Variants in STC1 observed in about 807,000 individuals in gnomAD.
STC1 encodes the protein stanniocalcin-1.
In STC1, 7 loss-of-function variants were observed where a neutral mutation model predicts 22.6. The observed-to-expected ratio is 0.31, with a 90% confidence interval of 0.18 to 0.58. The LOEUF (loss-of-function observed/expected upper bound fraction) is 0.58, where lower values mean the gene tolerates loss of function less well. STC1 is among the 20% of genes least tolerant of loss of function. STC1 has a pLI of 0.89. For missense variants in STC1, 224 were observed against 311.0 expected, an observed-to-expected ratio of 0.72 and a Z score of 2.10; for synonymous variants, 113 against 120.7, an observed-to-expected ratio of 0.94 and a Z score of 0.42.
chr8:23,854,203 A>G, intron 1 of STC1: 2 of 1,134,416 alleles, frequency 1.8e-6, no homozygotes, highest in Non-Finnish European at 2.4e-6. Flanking sequence ...CAGAGCGTCC[A>G]GCTTCTTCGT....
In STC1 at chr8:23,854,537, T is replaced by C. The variant is rs769316600; in HGVS notation, c.-14A>G. The stretch of plus-strand genomic sequence containing the variant: ...GTTTTGGAGCATTCTCTGAGAAGTT[T>C]CCGCTAAGTTGTTGGGTTTTTTTTT... On this transcript the variant is annotated 5_prime_UTR_variant, in exon 1 of 4. Transcript: ENST00000290271. 3.1e-6 allele frequency: 5 copies of C among 1,600,768 alleles called. No individual in the cohort carries two copies. The highest frequency in any genetic ancestry group is 2.3e-5 in the South Asian group (2 of 88,604).
rs1480696354 is a variant in STC1 at position 23,854,705 on chromosome 8, C to CGCTGCTGCTGCTGCTGCCGCCGCT, written c.-206_-183dup. 4.9e-4 allele frequency: 340 copies of CGCTGCTGCTGCTGCTGCCGCCGCT among 694,026 alleles called. 2 individuals are homozygous for CGCTGCTGCTGCTGCTGCCGCCGCT. Among genetic ancestry groups the CGCTGCTGCTGCTGCTGCCGCCGCT allele is most frequent in the South Asian group, 4.4e-3 (292 of 66,724 alleles). 43.0% of individuals were successfully genotyped at this position (694,026 alleles called of 1,614,324 possible). On this transcript the variant is annotated 5_prime_UTR_variant, in exon 1 of 4. Coordinates refer to ENST00000290271, the MANE Select transcript of STC1 (RefSeq NM_003155.3). The stretch of plus-strand genomic sequence containing the variant: ...ATGCTGCTGCTGCCACCGGTGCCTC[C>CGCTGCTGCTGCTGCTGCCGCCGCT]GCTGCTGCTGCTGCTGCCGCCGCTG...
In STC1 at chr8:23,851,689, G is replaced by GAA. The variant is rs3841664; in HGVS notation, c.262-160_262-159dup. ...AGATTGCATGTCTCGGCTAAGGATT[G>GAA]AAAAAAAAAAAAGCCCTCTCCCCAT... On this transcript the variant is annotated intron_variant, in intron 2 of 3. Transcript: ENST00000290271. 1.3e-3 allele frequency among the ~76,000 whole-genome samples: 183 copies of GAA among 139,032 alleles called. 1 individual carries two copies. In the Middle Eastern group the frequency reaches 0.019, roughly 14 times the overall value. 91.2% of individuals were successfully genotyped at this position (139,032 alleles called of 152,430 possible).
At chr8:23,851,202 C>T in intron 3 of STC1, 118 bp downstream of exon 3, 1 of 992,090 alleles carries the variant, frequency 1.0e-6, no homozygotes, top group Non-Finnish European at 1.6e-6. Flanking sequence ...GCTGGGAAGA[C>T]TGCAAGCTAA....
chr8:23,853,063 G>GAAAGAA (rs1388985951), intron 1 of STC1, among the ~76,000 whole-genome samples: 2 of 151,366 alleles, frequency 1.3e-5, no homozygotes, highest in Non-Finnish European at 2.9e-5. Context: ...AAGAAAGAAA[G>GAAAGAA]AAGAAACACA....
chr8:23,842,479 A>T lies in STC1; in HGVS notation c.*2291T>A, dbSNP rs1346378345. ...GGGGGTACCACGGTTTGAAGAGGTCACAGCCAAAAAAAAAAAAAAAAAAAA... is the reference window on the plus strand; with the variant it reads ...GGGGGTACCACGGTTTGAAGAGGTCTCAGCCAAAAAAAAAAAAAAAAAAAA... On this transcript the variant is annotated 3_prime_UTR_variant, in exon 4 of 4. Transcript: ENST00000290271. 8.2e-6 allele frequency: 1 copy of T among 122,000 alleles called. No homozygotes were observed. The highest frequency in any genetic ancestry group is 8.8e-5 in the Admixed American group (1 of 11,316). The allele number at this position is 122,000 out of a possible 1,614,324, so 7.6% of individuals were successfully genotyped here. A position where few individuals can be genotyped will look rare whatever the true frequency, so the allele number is the denominator to read the frequency against.
At chr8:23,853,267 GATCAAAAGCAT>G (rs2117745942) in intron 1 of STC1, among the ~76,000 whole-genome samples, 1 of 152,320 alleles carries the variant, frequency 6.6e-6, no homozygotes, top group South Asian at 2.1e-4. Context: ...TCTCCTCTGA[GATCAAAAGCAT>G]GGTTCAGTTA....
In STC1 at chr8:23,854,698, GTGCCTCCGCTGCTGCTGCTGC is replaced by G. The variant is rs912048258; in HGVS notation, c.-196_-176del. On this transcript the variant is annotated 5_prime_UTR_variant, in exon 1 of 4. Coordinates refer to ENST00000290271, the MANE Select transcript of STC1 (RefSeq NM_003155.3). Reference sequence around the variant, plus strand: ...GCTGGTGATGCTGCTGCTGCCACCGGTGCCTCCGCTGCTGCTGCTGCTGCCGCCGCTGCTGCTGCTGCTGCC... The same window carrying G: ...GCTGGTGATGCTGCTGCTGCCACCGGTGCCGCCGCTGCTGCTGCTGCTGCC... 3 of 713,112 alleles carry G rather than the reference GTGCCTCCGCTGCTGCTGCTGC, an allele frequency of 4.2e-6. No individual in the cohort carries two copies. The highest frequency in any genetic ancestry group is 7.6e-6 in the Non-Finnish European group (3 of 392,850). The allele number at this position is 713,112 out of a possible 1,614,324, so 44.2% of individuals were successfully genotyped here. A position where few individuals can be genotyped will look rare whatever the true frequency, so the allele number is the denominator to read the frequency against.
In STC1 at chr8:23,842,205, T is replaced by C. The variant is rs150009646; in HGVS notation, c.*2565A>G. 6.6e-6 allele frequency: 1 copy of C among 152,594 alleles called. No homozygotes were observed. Among genetic ancestry groups the C allele is most frequent in the Non-Finnish European group, 1.5e-5 (1 of 68,004 alleles). 9.5% of individuals were successfully genotyped at this position (152,594 alleles called of 1,614,324 possible). On this transcript the variant is annotated 3_prime_UTR_variant, in exon 4 of 4. Coordinates refer to ENST00000290271, the MANE Select transcript of STC1 (RefSeq NM_003155.3). The stretch of plus-strand genomic sequence containing the variant: ...TTATAAATACATAATGCAAATATAA[T>C]GGCACAAAAATGTCTAAAGTGCAAC...
intron 3 of STC1, among the ~76,000 whole-genome samples, chr8:23,847,146 G>A (rs1377749004): frequency 6.6e-6 from 1 of 152,196 alleles, no homozygotes; most frequent in Non-Finnish European, 1.5e-5. Context: ...CCCTAGAAAG[G>A]GATAAAAAGA....
Position 23,852,393 on chromosome 8 carries a change from G to T in STC1, c.119-9C>A, listed in dbSNP as rs760350336. On this transcript the variant is annotated splice_polypyrimidine_tract_variant and intron_variant, in intron 1 of 3. Coordinates refer to ENST00000290271, the MANE Select transcript of STC1 (RefSeq NM_003155.3). ...GCAACGAACCACTTCAGCTGAAAGA[G>T]ACAAATCCATCCATTCTGGGTCAAA... 1 of 1,585,788 alleles carries T rather than the reference G, an allele frequency of 6.3e-7. No homozygotes were observed. Among genetic ancestry groups the T allele is most frequent in the African/African-American group, 1.3e-5 (1 of 74,290 alleles).
chr8:23,852,246 G>C lies in STC1; in HGVS notation c.257C>G (p.Thr86Ser). The change falls in exon 2 of 4, where the codon ACT (threonine) becomes AGT (serine). Residue 86 changes from threonine to serine, a missense_variant. Coordinates refer to ENST00000290271, the MANE Select transcript of STC1 (RefSeq NM_003155.3). ...SFLYSAAKFDTQGKAFVKESL... is the reference protein window; with the variant it reads ...SFLYSAAKFDSQGKAFVKESL... Reference sequence around the variant, plus strand: ...CAGGGGTCAAGGTTTTATTACCTGAGTGTCAAATTTAGCAGCGCTGTACAA... The same window carrying C: ...CAGGGGTCAAGGTTTTATTACCTGACTGTCAAATTTAGCAGCGCTGTACAA... 6.2e-7 allele frequency: 1 copy of C among 1,614,162 alleles called. No homozygotes were observed. The highest frequency in any genetic ancestry group is 8.5e-7 in the Non-Finnish European group (1 of 1,180,030).
chr8:23,845,482 A>C (rs1481780835), intron 3 of STC1, among the ~76,000 whole-genome samples: 1 of 152,078 alleles, frequency 6.6e-6, no homozygotes, highest in Non-Finnish European at 1.5e-5. Context: ...ATTAGTAGCC[A>C]TTGTACATGC....
Position 23,844,623 on chromosome 8 carries a change from C to A in STC1, c.*147G>T, listed in dbSNP as rs888128795. ...AATGTTGGGATATTGATTACAGAAGCCTAGTTTCATGCAATTTTCTTTAAG... is the reference window on the plus strand; with the variant it reads ...AATGTTGGGATATTGATTACAGAAGACTAGTTTCATGCAATTTTCTTTAAG... On this transcript the variant is annotated 3_prime_UTR_variant, in exon 4 of 4. Transcript: ENST00000290271. The A allele has an allele frequency of 7.9e-6, 7 of 885,898 alleles. No individual in the cohort carries two copies. Among genetic ancestry groups the A allele is most frequent in the African/African-American group, 1.7e-5 (1 of 59,038 alleles). 54.9% of individuals were successfully genotyped at this position (885,898 alleles called of 1,614,324 possible). A position where few individuals can be genotyped will look rare whatever the true frequency, so the allele number is the denominator to read the frequency against.
At chr8:23,846,377 T>G (rs144812864) in intron 3 of STC1, among the ~76,000 whole-genome samples, 1 of 152,170 alleles carries the variant, frequency 6.6e-6, no homozygotes, top group African/African-American at 2.4e-5. Flanking sequence ...TCAAAACCCA[T>G]TACCTCTGTG....
Position 23,852,258 on chromosome 8 carries a change from G to T in STC1, c.245C>A (p.Ala82Asp), listed in dbSNP as rs1802646656. The T allele has an allele frequency of 6.2e-7, 1 of 1,614,086 alleles. No homozygotes were observed. Among genetic ancestry groups the T allele is most frequent in the Non-Finnish European group, 8.5e-7 (1 of 1,180,044 alleles). ...DICKSFLYSAAKFDTQGKAFV... is the reference protein window; with the variant it reads ...DICKSFLYSADKFDTQGKAFV... Reference sequence around the variant, plus strand: ...TTTTATTACCTGAGTGTCAAATTTAGCAGCGCTGTACAAGAAGGATTTACA... The same window carrying T: ...TTTTATTACCTGAGTGTCAAATTTATCAGCGCTGTACAAGAAGGATTTACA... The change falls in exon 2 of 4, where the codon GCT becomes GAT. Residue 82 changes from alanine (A) to aspartate (D), a missense_variant. Coordinates refer to ENST00000290271, the MANE Select transcript of STC1 (RefSeq NM_003155.3).
At chr8:23,852,494 C>T (rs1235936661) in intron 1 of STC1, 110 bp from the exon 2 acceptor site, 2 of 1,244,336 alleles carry the variant, frequency 1.6e-6, no homozygotes, top group South Asian at 1.5e-5. Flanking sequence ...AGAACTTATC[C>T]TAGGAATCTG....
chr8:23,851,083 G>A (rs1267980192), intron 3 of STC1, among the ~76,000 whole-genome samples: 1 of 152,046 alleles, frequency 6.6e-6, no homozygotes, highest in African/African-American at 2.4e-5. Flanking sequence ...GATGAGGCTG[G>A]CTTTCTATGA....
chr8:23,846,534 A>T (rs569856416), intron 3 of STC1, among the ~76,000 whole-genome samples: 1 of 152,332 alleles, frequency 6.6e-6, no homozygotes, highest in South Asian at 2.1e-4. Context: ...AGTGCACAGG[A>T]TCAAACATCT....
Sources: gnomAD v4.1 joint callset for allele counts (sites outside exome capture counted in the v4.1 genomes callset) on GRCh38, gnomAD v4.1.1 for gene constraint, MANE v1.5 for transcripts, NCBI Gene and HGNC (gene_info 2026-07-23, HGNC 2026-07-21) for gene names.